The following MAP3K9 variants were observed in gnomAD, a reference collection of about 807,000 sequenced individuals.
MAP3K9 encodes mixed lineage kinase 1 (tyr and ser/thr specificity).
MAP3K9 carries 46 observed loss-of-function variants against 95.8 expected under a neutral mutation model. The observed-to-expected ratio is 0.48, with a 90% CI of 0.38 to 0.61. MAP3K9 has a LOEUF of 0.61. Among genes scored for constraint, MAP3K9 ranks in the 20% least tolerant of loss-of-function variants. The pLI is 0.00. For synonymous variants in MAP3K9, 533 were observed against 593.8 expected (o/e 0.90, Z 1.49); for missense variants, 1,296 against 1,474.3 (o/e 0.88, Z 1.98).
intron 5 of MAP3K9, among the ~76,000 whole-genome samples, chr14:70,748,080 C>T (rs989214165): frequency 1.4e-5 from 2 of 140,828 alleles, no homozygotes; most frequent in African/African-American, 2.7e-5. Flanking sequence ...GCACTTCAGC[C>T]TGGGCGACAG....
At chr14:70,756,678 C>T (rs1245430101) in intron 3 of MAP3K9, among the ~76,000 whole-genome samples, 1 of 152,208 alleles carries the variant, frequency 6.6e-6, no homozygotes, top group Admixed American at 6.5e-5. Flanking sequence ...ACACACATAA[C>T]AGTCACCCAA....
At chr14:70,769,325 C>G (rs1318793379) in intron 2 of MAP3K9, among the ~76,000 whole-genome samples, 2 of 152,222 alleles carry the variant, frequency 1.3e-5, no homozygotes, top group Admixed American at 1.3e-4. Context: ...TCCACCACCC[C>G]CTTTCCTCTC....
intron 10 of MAP3K9, chr14:70,733,931 G>A: frequency 1.5e-6 from 1 of 656,614 alleles, no homozygotes; most frequent in Non-Finnish European, 2.8e-6. Context: ...TCAGCCTTTG[G>A]ACTCTCAGAC....
intron 3 of MAP3K9, among the ~76,000 whole-genome samples, 172 bp from the exon 4 acceptor site, chr14:70,750,253 G>T (rs1189797399): frequency 6.6e-6 from 1 of 152,174 alleles, no homozygotes; most frequent in East Asian, 1.9e-4. Flanking sequence ...CTAGCTAAAA[G>T]CAAAATCTCT....
At chr14:70,801,604 A>T (rs1241536682) in intron 1 of MAP3K9, among the ~76,000 whole-genome samples, 1 of 152,210 alleles carries the variant, frequency 6.6e-6, no homozygotes, top group African/African-American at 2.4e-5. Context: ...AGTGGTGAGA[A>T]GCACCCAACT....
chr14:70,774,524 G>C (rs909546934), intron 2 of MAP3K9, among the ~76,000 whole-genome samples: 9 of 151,448 alleles, frequency 5.9e-5, no homozygotes, highest in African/African-American at 2.2e-4. Flanking sequence ...TTAGCCAGGC[G>C]TGGTGGTGGG....
rs896789193 is a variant in MAP3K9, at chr14:70,723,752, A to G, written c.*6628T>C. On this transcript the variant is annotated 3_prime_UTR_variant, in exon 12 of 12. Coordinates refer to ENST00000554752, the MANE Select transcript of MAP3K9 (RefSeq NM_001284230.2). ...TTGTAAGGAGTCAAAAATTATATAT[A>G]TATGAATCACTAGGACAGCACCGCC... The G allele has an allele frequency of 4.6e-5, 7 of 152,154 alleles. No individual in the cohort carries two copies. Among genetic ancestry groups the G allele is most frequent in the Non-Finnish European group, 1.0e-4 (7 of 68,030 alleles). The allele number at this position is 152,154 out of a possible 1,614,324, so 9.4% of individuals were successfully genotyped here.
At chr14:70,781,218 A>G (rs971846781) in intron 2 of MAP3K9, among the ~76,000 whole-genome samples, 2 of 152,246 alleles carry the variant, frequency 1.3e-5, no homozygotes, top group African/African-American at 4.8e-5. Context: ...TCACTGGAAC[A>G]CTTGGGTCTG....
intron 2 of MAP3K9, among the ~76,000 whole-genome samples, chr14:70,799,365 A>T (rs1321718443): frequency 6.6e-6 from 1 of 151,730 alleles, no homozygotes; most frequent in African/African-American, 2.4e-5. Flanking sequence ...TTTGAGATGG[A>T]GTCTCGCTCT....
intron 4 of MAP3K9, chr14:70,749,718 T>C: frequency 2.0e-6 from 1 of 506,046 alleles, no homozygotes; most frequent in African/African-American, 1.9e-5. Flanking sequence ...TTGTTACTAA[T>C]TTCACTTCTA....
At chr14:70,770,757 C>G (rs1245908440) in intron 2 of MAP3K9, among the ~76,000 whole-genome samples, 1 of 152,022 alleles carries the variant, frequency 6.6e-6, no homozygotes, top group Non-Finnish European at 1.5e-5. Flanking sequence ...TCTAAGCTGC[C>G]CATCCTCTAC....
At position 70,733,141 on chromosome 14, in the gene MAP3K9, C is replaced by G; in HGVS notation, c.2228G>C (p.Gly743Ala). The change falls in exon 11 of 12, where the codon GGT becomes GCT. Residue 743 changes from glycine (G) to alanine (A), a missense_variant. Gly to Ala is a moderately conservative substitution (Grantham distance 60). Around this residue, in one of 5 missense-constraint regions of MAP3K9, gnomAD observed 377 missense variants for 417.1 expected, o/e 0.90. Coordinates refer to ENST00000554752, the MANE Select transcript of MAP3K9 (RefSeq NM_001284230.2). ...LTPTNSLKRG[G>A]AHHRRCEVAL... ...CACCTCGCAGCGGCGGTGGTGGGCACCGCCCCGCTTGAGGCTGTTGGTTGG... is the reference window on the plus strand; with the variant it reads ...CACCTCGCAGCGGCGGTGGTGGGCAGCGCCCCGCTTGAGGCTGTTGGTTGG... 3 of 1,613,466 alleles carry G rather than the reference C, an allele frequency of 1.9e-6. No homozygotes were observed. Among genetic ancestry groups the G allele is most frequent in the Non-Finnish European group, 2.5e-6 (3 of 1,179,580 alleles).
chr14:70,746,981 T>C (rs1340386452), intron 5 of MAP3K9, among the ~76,000 whole-genome samples: 1 of 152,250 alleles, frequency 6.6e-6, no homozygotes, highest in African/African-American at 2.4e-5. Flanking sequence ...CAACAGCCAG[T>C]GCAAGTCCAC....
At chr14:70,769,267 A>T (rs2054498944) in intron 2 of MAP3K9, among the ~76,000 whole-genome samples, 1 of 152,220 alleles carries the variant, frequency 6.6e-6, no homozygotes, top group Non-Finnish European at 1.5e-5. Flanking sequence ...ATAATATGAA[A>T]ACCCACATAA....
rs1159903582 is a variant in MAP3K9 at position 70,723,854 on chromosome 14, C to T, written c.*6526G>A. The T allele has an allele frequency of 2.0e-5, 3 of 152,160 alleles. No individual in the cohort carries two copies. Among genetic ancestry groups the T allele is most frequent in the East Asian group, 3.9e-4 (2 of 5,186 alleles). The allele number at this position is 152,160 out of a possible 1,614,324, so 9.4% of individuals were successfully genotyped here. On this transcript the variant is annotated 3_prime_UTR_variant, in exon 12 of 12. Transcript: ENST00000554752. ...TAACTAGGCCAGGATACATCTTTGC[C>T]TCACTCTGATGGTGATGAAGAAAAG...
In MAP3K9 at chr14:70,785,026, G is replaced by A. The variant is rs572786523; in HGVS notation, c.820+15641C>T. On this transcript the variant is annotated intron_variant, in intron 2 of 11. Coordinates refer to ENST00000554752, the MANE Select transcript of MAP3K9 (RefSeq NM_001284230.2). Reference sequence around the variant, plus strand: ...TCCTGCAGAACAAGGTGCTAGAGAAGGATCTCCTATTGCAGTCTGTTTCCA... The same window carrying A: ...TCCTGCAGAACAAGGTGCTAGAGAAAGATCTCCTATTGCAGTCTGTTTCCA... 2.0e-5 allele frequency among the ~76,000 whole-genome samples: 3 copies of A among 152,278 alleles called. No homozygotes were observed. The East Asian group carries it at 5.8e-4, about 29-fold the overall frequency.
intron 2 of MAP3K9, among the ~76,000 whole-genome samples, chr14:70,762,516 C>CTAT (rs1387103241): frequency 6.6e-6 from 1 of 152,168 alleles, no homozygotes. Flanking sequence ...CATCTATCTT[C>CTAT]TCATGAGTTT....
In MAP3K9 at chr14:70,743,712, C is replaced by G. The variant is rs144649732; in HGVS notation, c.1327-1121G>C. On this transcript the variant is annotated intron_variant, in intron 5 of 11. Coordinates refer to ENST00000554752, the MANE Select transcript of MAP3K9 (RefSeq NM_001284230.2). The stretch of plus-strand genomic sequence containing the variant: ...AGTAAAAAGTCAGAAAACAAAGATG[C>G]TGGAGAGGATGTGGAGAAACAGGAA... 1.1e-3 allele frequency among the ~76,000 whole-genome samples: 169 copies of G among 152,224 alleles called. No individual in the cohort carries two copies. In the South Asian group the frequency reaches 0.011, roughly 10 times the overall value.
intron 5 of MAP3K9, among the ~76,000 whole-genome samples, chr14:70,745,755 T>C (rs1279583891): frequency 6.7e-6 from 1 of 150,092 alleles, no homozygotes; most frequent in Non-Finnish European, 1.5e-5. Flanking sequence ...AAAAAAGTGA[T>C]AGAAAAGAAA....
Sources: allele counts gnomAD v4.1 joint callset (sites outside exome capture counted in the v4.1 genomes callset), GRCh38; gene constraint gnomAD v4.1.1; regional missense constraint gnomAD v4.1.1; transcripts MANE v1.5; gene names NCBI Gene and HGNC (gene_info 2026-07-23, HGNC 2026-07-21).